KIF1A: variants seen among roughly 807,000 people sequenced by gnomAD.
KIF1A encodes the protein kinesin family member 1A.
In KIF1A, 46 loss-of-function variants were observed where a neutral mutation model predicts 227.3. The observed-to-expected ratio is 0.20, with a 90% CI of 0.16 to 0.26. The LOEUF is 0.26. Ranked by LOEUF, KIF1A falls within the 10% of genes least tolerant of loss-of-function variation. The pLI is 1.00. For synonymous variants in KIF1A, 1,022 were observed against 1,012.8 expected, an observed-to-expected ratio of 1.01 and a Z score of -0.17; for missense variants, 1,683 against 2,485.9, an observed-to-expected ratio of 0.68 and a Z score of 6.87.
chr2:240,779,406 A>T lies in KIF1A; in HGVS notation c.882+3184T>A, dbSNP rs147702454. 4.7e-3 allele frequency among the ~76,000 whole-genome samples: 664 copies of T among 142,262 alleles called. 27 individuals are homozygous for T. Among genetic ancestry groups the T allele is most frequent in the African/African-American group, 0.017 (622 of 35,794 alleles). 93.3% of individuals were successfully genotyped at this position (142,262 alleles called of 152,430 possible). On this transcript the variant is annotated intron_variant, in intron 10 of 48. Coordinates refer to ENST00000498729, the MANE Select transcript of KIF1A (RefSeq NM_001244008.2). ...CTCATAGTTCCACACTCAGTTCCTC[A>T]TCGTTCCACACTCAGGTCCTCACTC...
At chr2:240,718,229 T>C in intron 47 of KIF1A, 61 bp from the exon 48 acceptor site, 2 of 1,170,156 alleles carry the variant, frequency 1.7e-6, no homozygotes, top group South Asian at 2.6e-5. Context: ...ACCACCCTCC[T>C]GCTCCCCAGG....
intron 10 of KIF1A, among the ~76,000 whole-genome samples, chr2:240,780,612 G>A (rs966168169): frequency 6.6e-6 from 1 of 151,732 alleles, no homozygotes. Context: ...CCGGCACCAC[G>A]CACAGCTCAT....
intron 6 of KIF1A, among the ~76,000 whole-genome samples, chr2:240,785,384 A>G (rs1258937341): frequency 1.3e-5 from 2 of 152,252 alleles, no homozygotes; most frequent in Non-Finnish European, 2.9e-5. Flanking sequence ...AAGCCCATGC[A>G]GTGCCCAGCT....
intron 1 of KIF1A, among the ~76,000 whole-genome samples, chr2:240,808,477 A>G (rs1451703413): frequency 6.6e-6 from 1 of 150,902 alleles, no homozygotes; most frequent in Non-Finnish European, 1.5e-5. Context: ...TGAGCAACAT[A>G]GCAAGACCCA....
chr2:240,719,267 C>G, intron 46 of KIF1A, 69 bp from the exon 47 acceptor site: 1 of 1,519,886 alleles, frequency 6.6e-7, no homozygotes, highest in Non-Finnish European at 8.9e-7. Flanking sequence ...CACTCACCAT[C>G]TACCACCCAG....
At chr2:240,815,051 C>G (rs1025330690) in intron 1 of KIF1A, among the ~76,000 whole-genome samples, 5 of 152,242 alleles carry the variant, frequency 3.3e-5, no homozygotes, top group Non-Finnish European at 7.3e-5. Context: ...GCCTAGCCCA[C>G]TGCAGCCACT....
chr2:240,767,094 G>A lies in KIF1A; in HGVS notation c.1578-73C>T, dbSNP rs2051299840. ...CCAGGACGCCACCCACTGGCCTCCA[G>A]GGACGCCCAACCAGGATTGTTTGGG... On this transcript the variant is annotated intron_variant, in intron 18 of 48. Transcript: ENST00000498729. 8 of 1,276,258 alleles carry A rather than the reference G, an allele frequency of 6.3e-6. No homozygotes were observed. The Admixed American group carries it at 1.2e-4, about 19-fold the overall frequency. The allele number at this position is 1,276,258 out of a possible 1,614,324, so 79.1% of individuals were successfully genotyped here.
rs1393679486 is a variant in KIF1A at position 240,715,647 on chromosome 2, T to C, written c.*1717A>G. 1 of 152,402 alleles carries C rather than the reference T, an allele frequency of 6.6e-6. No individual in the cohort carries two copies. The highest frequency in any genetic ancestry group is 6.5e-5 in the Admixed American group (1 of 15,274). The allele number at this position is 152,402 out of a possible 1,614,324, so 9.4% of individuals were successfully genotyped here. On this transcript the variant is annotated 3_prime_UTR_variant, in exon 49 of 49. Transcript: ENST00000498729. ...CAAAGGAAAACCTCATGCCAGAGCCTTCCCATGTGGTGTAGAAGGCCCGTG... is the reference window on the plus strand; with the variant it reads ...CAAAGGAAAACCTCATGCCAGAGCCCTCCCATGTGGTGTAGAAGGCCCGTG...
rs753593772 is a variant in KIF1A at position 240,746,118 on chromosome 2, C to T, written c.3123G>A (p.Glu1041=). Reference sequence around the variant, plus strand: ...GGCCCTGGCCCTCCACGATGCGAAGCTCTTCCTGGGAGGTTCCCGAGCGGG... The same window carrying T: ...GGCCCTGGCCCTCCACGATGCGAAGTTCTTCCTGGGAGGTTCCCGAGCGGG... ...GMSRSGTSQE[E]LRIVEGQGQG... is the part of the protein sequence containing the mutation. Residue 1041 remains glutamate (E), a synonymous_variant, in exon 30 of 49, where the codon GAG becomes GAA. Coordinates refer to ENST00000498729, the MANE Select transcript of KIF1A (RefSeq NM_001244008.2). The T allele has an allele frequency of 6.3e-7, 1 of 1,579,166 alleles. No homozygotes were observed. Among genetic ancestry groups the T allele is most frequent in the South Asian group, 1.2e-5 (1 of 86,164 alleles).
rs797045652 is a variant in KIF1A, at chr2:240,740,061, C to T, written c.3898G>A (p.Val1300Met). ...IRWKEVRELV[V>M]GRIRNTPETD... Reference sequence around the variant, plus strand: ...GCAGCCCCCACACCGCACTCACCCACGACCAGCTCGCGCACTTCCTTCCAG... The same window carrying T: ...GCAGCCCCCACACCGCACTCACCCATGACCAGCTCGCGCACTTCCTTCCAG... Residue 1300 changes from valine to methionine, a missense_variant, in exon 37 of 49, where the codon GTG becomes ATG. Around this residue, in one of 12 missense-constraint regions of KIF1A, gnomAD observed 759 missense variants for 1,020.2 expected, o/e 0.74. Coordinates refer to ENST00000498729, the MANE Select transcript of KIF1A (RefSeq NM_001244008.2). The surrounding 1 kb of genome is among the most constrained non-coding windows in gnomAD (Gnocchi z 6.1). The T allele has an allele frequency of 1.0e-4, 163 of 1,581,566 alleles. No individual in the cohort carries two copies. Among genetic ancestry groups the T allele is most frequent in the East Asian group, 7.7e-4 (33 of 42,690 alleles).
Position 240,735,367 on chromosome 2 carries a change from G to T in KIF1A, c.4007+1696C>A, listed in dbSNP as rs868311794. 3.4e-4 allele frequency among the ~76,000 whole-genome samples: 52 copies of T among 152,130 alleles called. 1 individual carries two copies. Among genetic ancestry groups the T allele is most frequent in the Non-Finnish European group, 6.3e-4 (43 of 68,000 alleles). On this transcript the variant is annotated intron_variant, in intron 38 of 48. Transcript: ENST00000498729. ...CAGGTTCTCAGGCATCCAGGAACAG[G>T]GTGGCCTGAGGTCCAGCCATGAGCC...
rs999542560 is a variant in KIF1A, at chr2:240,793,158, G to A, written c.107-3846C>T. On this transcript the variant is annotated intron_variant, in intron 2 of 48. Transcript: ENST00000498729. The surrounding 1 kb of genome is among the most constrained non-coding windows in gnomAD (Gnocchi z 4.8). ...CAGGTCCCCGACTGCTCGGGATTGG[G>A]GGAGCCCACAGCGGAGGCTGGGGGC... Among the ~76,000 whole-genome samples the A allele has an allele frequency of 2.0e-5, 3 of 152,216 alleles. No individual in the cohort carries two copies. Among genetic ancestry groups the A allele is most frequent in the South Asian group, 2.1e-4 (1 of 4,826 alleles).
chr2:240,750,659 G>C (rs749020260), intron 27 of KIF1A, 112 bp from the exon 28 acceptor site: 311 of 774,600 alleles, frequency 4.0e-4, no homozygotes, highest in Non-Finnish European at 4.7e-4. Context: ...CAAAGCAGAG[G>C]GAAGCCGCCG....
In KIF1A at chr2:240,789,182, A is replaced by G; in HGVS notation, c.183+54T>C. The G allele has an allele frequency of 1.3e-5, 18 of 1,428,510 alleles. No individual in the cohort carries two copies. Among genetic ancestry groups the G allele is most frequent in the Non-Finnish European group, 1.8e-5 (18 of 1,012,072 alleles). The allele number at this position is 1,428,510 out of a possible 1,614,324, so 88.5% of individuals were successfully genotyped here. On this transcript the variant is annotated intron_variant, in intron 3 of 48. Coordinates refer to ENST00000498729, the MANE Select transcript of KIF1A (RefSeq NM_001244008.2). The surrounding 1 kb of genome is among the most constrained non-coding windows in gnomAD (Gnocchi z 4.8). The stretch of plus-strand genomic sequence containing the variant: ...GAGAAGTTGAGGGACCCCGAGGGCC[A>G]CATGGCCTATGCACTGCTGCCCCCG...
At chr2:240,721,316 TGCC>T (rs1454705793) in intron 44 of KIF1A, among the ~76,000 whole-genome samples, 1 of 152,226 alleles carries the variant, frequency 6.6e-6, no homozygotes, top group Non-Finnish European at 1.5e-5. Flanking sequence ...AGCTCTGCCC[TGCC>T]GCCTCCTGCC....
chr2:240,807,116 GTGTGTGTGTGTGTGTATA>G (rs2057482188), intron 1 of KIF1A, among the ~76,000 whole-genome samples: 2 of 139,696 alleles, frequency 1.4e-5, no homozygotes, highest in Admixed American at 1.4e-4. Flanking sequence ...GTGTGTGTGT[GTGTGTGTGTGTGTGTATA>G]TATATATATA....
Position 240,788,117 on chromosome 2 carries a change from C to T in KIF1A, c.297G>A (p.Thr99=), listed in dbSNP as rs751855235. 1.8e-5 allele frequency: 29 copies of T among 1,608,732 alleles called. No individual in the cohort carries two copies. Among genetic ancestry groups the T allele is most frequent in the Middle Eastern group, 1.6e-4 (1 of 6,084 alleles). Residue 99 remains threonine (T), a synonymous_variant, in exon 4 of 49, where the codon ACG becomes ACA. Coordinates refer to ENST00000498729, the MANE Select transcript of KIF1A (RefSeq NM_001244008.2). This position sits in a 1 kb window ranked among gnomAD's most constrained non-coding sequence, Gnocchi z 6.6. The part of the protein sequence containing the change: ...YNVCIFAYGQ[T]GAGKSYTMMG... ...TCATGGTGTAGGACTTGCCGGCACCCGTCTGCCCATAGGCGAAGATGCACA... is the reference window on the plus strand; with the variant it reads ...TCATGGTGTAGGACTTGCCGGCACCTGTCTGCCCATAGGCGAAGATGCACA...
In KIF1A at chr2:240,770,963, G is replaced by T. The variant is rs749268264; in HGVS notation, c.1341+8C>A. ...CTGACACCCTGAAGCCCCAGGTGGTGCCCTCACCTTCAGTCTTTCAATGGC... is the reference window on the plus strand; with the variant it reads ...CTGACACCCTGAAGCCCCAGGTGGTTCCCTCACCTTCAGTCTTTCAATGGC... On this transcript the variant is annotated splice_region_variant and intron_variant, in intron 15 of 48. Transcript: ENST00000498729. 1.2e-6 allele frequency: 2 copies of T among 1,609,342 alleles called. No homozygotes were observed. Among genetic ancestry groups the T allele is most frequent in the Non-Finnish European group, 8.5e-7 (1 of 1,179,654 alleles).
chr2:240,770,892 G>A (rs944393426), intron 15 of KIF1A, 79 bp downstream of exon 15: 39 of 1,533,390 alleles, frequency 2.5e-5, no homozygotes, highest in Non-Finnish European at 3.4e-5. Context: ...GTACCCAGGA[G>A]GGCAGGGTGC....
Sources: allele counts gnomAD v4.1 joint callset (sites outside exome capture counted in the v4.1 genomes callset), GRCh38; gene constraint gnomAD v4.1.1; regional missense constraint gnomAD v4.1.1; non-coding constraint Gnocchi (gnomAD v3.1); transcripts MANE v1.5; gene names NCBI Gene and HGNC (gene_info 2026-07-23, HGNC 2026-07-21).